Variants in PPP1R15B observed in about 807,000 individuals in gnomAD.
PPP1R15B encodes the protein protein phosphatase 1 regulatory subunit 15B.
PPP1R15B carries 31 observed loss-of-function variants against 53.9 expected under a neutral mutation model. The ratio of observed to expected loss-of-function variants is 0.58; its 90% CI spans 0.43 to 0.78. The LOEUF is 0.78. Ranked by LOEUF, PPP1R15B falls within the 30% of genes least tolerant of loss-of-function variation. The pLI, the probability that PPP1R15B is intolerant of heterozygous loss-of-function variation, is 0.00. For synonymous variants in PPP1R15B, 345 were observed against 329.1 expected, an observed-to-expected ratio of 1.05 and a Z score of -0.52; for missense variants, 928 against 849.6, an observed-to-expected ratio of 1.09 and a Z score of -1.15.
chr1:204,410,378 T>C lies in PPP1R15B; in HGVS notation c.1034A>G (p.Gln345Arg), dbSNP rs772734091. 1.9e-6 allele frequency: 3 copies of C among 1,614,200 alleles called. No individual in the cohort carries two copies. Among genetic ancestry groups the C allele is most frequent in the Admixed American group, 1.7e-5 (1 of 60,028 alleles). ...DPKHCRDNPT[Q>R]FVPAAGDIPG... Reference sequence around the variant, plus strand: ...AATGTCTCCAGCAGCAGGAACAAACTGTGTTGGGTTATCTCTGCAGTGTTT... The same window carrying C: ...AATGTCTCCAGCAGCAGGAACAAACCGTGTTGGGTTATCTCTGCAGTGTTT... Residue 345 changes from glutamine to arginine, a missense_variant, in exon 1 of 2, where the codon CAG (glutamine) becomes CGG (arginine). Transcript: ENST00000367188.
rs1674358158 is a variant in PPP1R15B at position 204,410,836 on chromosome 1, G to A, written c.576C>T (p.Ser192=). ...GVELLPSSLQ[S]RLYSNRELGS... is the part of the protein sequence containing the mutation. ...CAAGTTCCCGGTTAGAGTACAGACGGGATTGAAGGCTACTGGGCAACAGCT... is the reference window on the plus strand; with the variant it reads ...CAAGTTCCCGGTTAGAGTACAGACGAGATTGAAGGCTACTGGGCAACAGCT... Residue 192 remains serine, a synonymous_variant, in exon 1 of 2, where the codon TCC becomes TCT. Coordinates refer to ENST00000367188, the MANE Select transcript of PPP1R15B (RefSeq NM_032833.5). 1 of 1,614,090 alleles carries A rather than the reference G, an allele frequency of 6.2e-7. No homozygotes were observed. The highest frequency in any genetic ancestry group is 1.3e-5 in the African/African-American group (1 of 74,932).
At chr1:204,409,124 C>T (rs1248336083) in intron 1 of PPP1R15B, among the ~76,000 whole-genome samples, 1 of 152,160 alleles carries the variant, frequency 6.6e-6, no homozygotes, top group Non-Finnish European at 1.5e-5. Context: ...ATGGCTGTAA[C>T]AGGACCTTTT....
At position 204,405,526 on chromosome 1, in the gene PPP1R15B, GAAAAA is replaced by G; in HGVS notation, c.*561_*565del. ...TTTTCAATCCAAGTCATTTTTACAAGAAAAAAAAAAGTGACACAAAATAATGCACT... is the reference window on the plus strand; with the variant it reads ...TTTTCAATCCAAGTCATTTTTACAAGAAAAAGTGACACAAAATAATGCACT... On this transcript the variant is annotated 3_prime_UTR_variant, in exon 2 of 2. Transcript: ENST00000367188. 4 of 912,378 alleles carry G rather than the reference GAAAAA, an allele frequency of 4.4e-6. No homozygotes were observed. The highest frequency in any genetic ancestry group is 5.2e-6 in the Non-Finnish European group (4 of 767,808). The allele number at this position is 912,378 out of a possible 1,614,324, so 56.5% of individuals were successfully genotyped here.
At chr1:204,397,225 A>AAAAT (rs975117574), downstream of PPP1R15B, among the ~76,000 whole-genome samples, 1 of 151,396 alleles carries the variant, frequency 6.6e-6, no homozygotes, top group African/African-American at 2.4e-5. Flanking sequence ...AAAATAAAAT[A>AAAAT]AAATAAATAA....
At chr1:204,402,801 C>T (rs1271891569), downstream of PPP1R15B, among the ~76,000 whole-genome samples, 2 of 151,772 alleles carry the variant, frequency 1.3e-5, no homozygotes, top group Non-Finnish European at 2.9e-5. Context: ...TAGCCAGACA[C>T]GGTGGCTCAC....
At position 204,411,025 on chromosome 1, in the gene PPP1R15B, G is replaced by A. The variant is rs1407312366; in HGVS notation, c.387C>T (p.Leu129=). ...TGGTGACCGAGGGGTCTGAGGAGTC[G>A]AGCTGCAGCGAACTCAAAGATTTCT... ...TAQKSLSSLQ[L]DSSDPSVTSP... is the part of the protein sequence containing the mutation. Residue 129 remains leucine, a synonymous_variant, in exon 1 of 2, where the codon CTC becomes CTT. Transcript: ENST00000367188. 1 of 1,614,158 alleles carries A rather than the reference G, an allele frequency of 6.2e-7. No individual in the cohort carries two copies. Among genetic ancestry groups the A allele is most frequent in the South Asian group, 1.1e-5 (1 of 91,080 alleles).
chr1:204,410,765 A>C lies in PPP1R15B; in HGVS notation c.647T>G (p.Phe216Cys), dbSNP rs748528226. 3.8e-5 allele frequency: 61 copies of C among 1,614,208 alleles called. No individual in the cohort carries two copies. Among genetic ancestry groups the C allele is most frequent in the Non-Finnish European group, 5.1e-5 (60 of 1,180,040 alleles). Residue 216 changes from phenylalanine (F) to cysteine (C), a missense_variant, in exon 1 of 2, where the codon TTC becomes TGC. Transcript: ENST00000367188. ...GTTCAGCAAATAGGATACCACACTG[A>C]AATTGTCTATGCGTTGAATGTTTAG... Reference protein sequence around the residue: ...GPLNIQRIDNFSVVSYLLNPS... With the variant: ...GPLNIQRIDNCSVVSYLLNPS...
Position 204,409,935 on chromosome 1 carries a change from T to C in PPP1R15B, c.1477A>G (p.Thr493Ala). ...SVDPYNPQNF[T>A]ATIQTAARIV... ...CTGGCAGCAGTCTGAATTGTTGCTG[T>C]AAAGTTCTGGGGATTATAAGGATCT... is the stretch of plus-strand genomic sequence containing the variant. Residue 493 changes from threonine to alanine, a missense_variant, in exon 1 of 2, where the codon ACA becomes GCA. Coordinates refer to ENST00000367188, the MANE Select transcript of PPP1R15B (RefSeq NM_032833.5). 1 of 1,614,096 alleles carries C rather than the reference T, an allele frequency of 6.2e-7. No individual in the cohort carries two copies. The highest frequency in any genetic ancestry group is 8.5e-7 in the Non-Finnish European group (1 of 1,180,014).
At chr1:204,402,879 C>G (rs1353426212), downstream of PPP1R15B, among the ~76,000 whole-genome samples, 1 of 152,042 alleles carries the variant, frequency 6.6e-6, no homozygotes, top group African/African-American at 2.4e-5. Flanking sequence ...CGAGAACAAC[C>G]TGGCCAACAT....
chr1:204,409,358 C>T, intron 1 of PPP1R15B, 134 bp downstream of exon 1: 2 of 966,752 alleles, frequency 2.1e-6, no homozygotes, highest in Non-Finnish European at 3.0e-6. Context: ...ACATATTTCT[C>T]AATCCAAGTA....
In PPP1R15B at chr1:204,405,963, T is replaced by A. The variant is rs1674257352; in HGVS notation, c.*129A>T. 9.8e-6 allele frequency: 14 copies of A among 1,423,080 alleles called. No individual in the cohort carries two copies. Among genetic ancestry groups the A allele is most frequent in the South Asian group, 6.1e-5 (4 of 65,060 alleles). 88.2% of individuals were successfully genotyped at this position (1,423,080 alleles called of 1,614,324 possible). On this transcript the variant is annotated 3_prime_UTR_variant, in exon 2 of 2. Transcript: ENST00000367188. Reference sequence around the variant, plus strand: ...GTGGGATATGTTGCAAAAAAAAAAATTAAACTAGATCCAAGTTACATTTCC... The same window carrying A: ...GTGGGATATGTTGCAAAAAAAAAAAATAAACTAGATCCAAGTTACATTTCC...
In PPP1R15B at chr1:204,405,121, A is replaced by G. The variant is rs1674242477; in HGVS notation, c.*971T>C. On this transcript the variant is annotated 3_prime_UTR_variant, in exon 2 of 2. Transcript: ENST00000367188. ...GTTTTAAAAGTGACAGTGCTGAGGC[A>G]TGATATTCATTAACACTGGTTTTCT... is the stretch of plus-strand genomic sequence containing the variant. 1.0e-6 allele frequency: 1 copy of G among 985,848 alleles called. No individual in the cohort carries two copies. Among genetic ancestry groups the G allele is most frequent in the African/African-American group, 1.7e-5 (1 of 57,384 alleles). The allele number at this position is 985,848 out of a possible 1,614,324, so 61.1% of individuals were successfully genotyped here.
chr1:204,401,263 T>TTTAC (rs1420830805), downstream of PPP1R15B, among the ~76,000 whole-genome samples: 4 of 152,182 alleles, frequency 2.6e-5, no homozygotes, highest in Non-Finnish European at 5.9e-5. Context: ...TTAGAAGAGA[T>TTTAC]TTACGTATCC....
downstream of PPP1R15B, among the ~76,000 whole-genome samples, chr1:204,397,407 T>C (rs964125360): frequency 1.3e-5 from 2 of 151,670 alleles, no homozygotes; most frequent in Non-Finnish European, 2.9e-5. Context: ...GCGCCTGTAG[T>C]CCCAGCTACT....
intron 1 of PPP1R15B, among the ~76,000 whole-genome samples, chr1:204,407,348 T>C (rs1399522303): frequency 6.6e-6 from 1 of 152,230 alleles, no homozygotes; most frequent in Non-Finnish European, 1.5e-5. Flanking sequence ...CAATATGCTA[T>C]CACTATATAT....
At chr1:204,397,615 T>C (rs755687925), downstream of PPP1R15B, among the ~76,000 whole-genome samples, 13 of 152,234 alleles carry the variant, frequency 8.5e-5, no homozygotes, top group Non-Finnish European at 1.8e-4. Context: ...TAGCTTGACT[T>C]ACCATTCCAC....
chr1:204,398,249 A>T (rs554738662), downstream of PPP1R15B, among the ~76,000 whole-genome samples: 252 of 152,338 alleles, frequency 1.7e-3, no homozygotes, highest in African/African-American at 5.8e-3. Context: ...AGCCCCAGGC[A>T]GTAGGATCTC....
In PPP1R15B at chr1:204,410,566, A is replaced by C. The variant is rs777103261; in HGVS notation, c.846T>G (p.Cys282Trp). ...GTAGGCCTTCCGTAGAAAGAGGTGGACATCCCTGCCACGAGGCCGGAATGA... is the reference window on the plus strand; with the variant it reads ...GTAGGCCTTCCGTAGAAAGAGGTGGCCATCCCTGCCACGAGGCCGGAATGA... The part of the protein sequence containing the change: ...AELIPASWQG[C>W]PPLSTEGLPE... Residue 282 changes from cysteine to tryptophan, a missense_variant, in exon 1 of 2, where the codon TGT (cysteine) becomes TGG (tryptophan). Cys to Trp is a radical substitution (Grantham distance 215). Transcript: ENST00000367188. 3 of 1,613,982 alleles carry C rather than the reference A, an allele frequency of 1.9e-6. No individual in the cohort carries two copies. Among genetic ancestry groups the C allele is most frequent in the Non-Finnish European group, 8.5e-7 (1 of 1,179,926 alleles).
chr1:204,408,355 A>G (rs1273398961), intron 1 of PPP1R15B, among the ~76,000 whole-genome samples: 1 of 152,262 alleles, frequency 6.6e-6, no homozygotes, highest in Non-Finnish European at 1.5e-5. Flanking sequence ...TGGCATTTAC[A>G]AAGTGTGAAC....
Sources: allele counts gnomAD v4.1 joint callset (sites outside exome capture counted in the v4.1 genomes callset), GRCh38; gene constraint gnomAD v4.1.1; transcripts MANE v1.5; gene names NCBI Gene and HGNC (gene_info 2026-07-23, HGNC 2026-07-21).